Variants in LRMDA observed in about 807,000 individuals in gnomAD.
The protein encoded by LRMDA is leucine-rich melanocyte differentiation-associated protein.
A neutral mutation model predicts 29.8 loss-of-function variants in LRMDA; 18 were observed. The ratio of observed to expected loss-of-function variants is 0.60; its 90% CI spans 0.42 to 0.90. The LOEUF is 0.90. Ranked by LOEUF, LRMDA falls within the 40% of genes least tolerant of loss-of-function variation. The pLI is 0.00. For missense variants in LRMDA, 273 were observed against 273.9 expected (o/e 1.00, Z 0.02); for synonymous variants, 125 against 109.4 (o/e 1.14, Z -0.89).
At chr10:75,584,589 G>C (rs1413189098) in intron 2 of LRMDA, among the ~76,000 whole-genome samples, 1 of 152,182 alleles carries the variant, frequency 6.6e-6, no homozygotes, top group Admixed American at 6.5e-5. Context: ...GAGTTTTGTT[G>C]GGCTAGTGAG....
chr10:75,679,576 G>C (rs765631995), intron 2 of LRMDA, among the ~76,000 whole-genome samples: 8 of 152,102 alleles, frequency 5.3e-5, no homozygotes, highest in Non-Finnish European at 1.2e-4. Flanking sequence ...GTATTTGTGA[G>C]GATTAAACAA....
At chr10:76,551,438 CAA>C (rs1030754295) in intron 6 of LRMDA, among the ~76,000 whole-genome samples, 4 of 152,098 alleles carry the variant, frequency 2.6e-5, no homozygotes, top group African/African-American at 7.2e-5. Context: ...ATTTATTTAA[CAA>C]ATATTTATTG....
At chr10:76,438,989 A>C (rs1842273348) in intron 6 of LRMDA, among the ~76,000 whole-genome samples, 1 of 152,208 alleles carries the variant, frequency 6.6e-6, no homozygotes, top group African/African-American at 2.4e-5. Flanking sequence ...AATTGAGCCT[A>C]AGTGAACTAT....
At chr10:75,616,231 T>TAGCAGCAGCAGCAGCAGC (rs1332339686) in intron 2 of LRMDA, among the ~76,000 whole-genome samples, 2 of 146,742 alleles carry the variant, frequency 1.4e-5, no homozygotes, top group African/African-American at 5.5e-5. Context: ...AGAACAGTAA[T>TAGCAGCAGCAGCAGCAGC]AGTAGCAGTA....
At chr10:75,818,940 C>T (rs956902544) in intron 2 of LRMDA, among the ~76,000 whole-genome samples, 1 of 152,156 alleles carries the variant, frequency 6.6e-6, no homozygotes, top group Admixed American at 6.5e-5. Context: ...CCCAAGACCC[C>T]GTGCCAGGTA....
At chr10:76,067,110 G>C (rs1270028404) in intron 5 of LRMDA, among the ~76,000 whole-genome samples, 1 of 152,238 alleles carries the variant, frequency 6.6e-6, no homozygotes, top group East Asian at 1.9e-4. Flanking sequence ...CAAGGAGACA[G>C]CTGATGGCTG....
At chr10:75,629,595 T>G (rs967865993) in intron 2 of LRMDA, among the ~76,000 whole-genome samples, 1 of 140,036 alleles carries the variant, frequency 7.1e-6, no homozygotes, top group African/African-American at 2.6e-5. Context: ...CTGAGTGTAA[T>G]TAAATGAGCA....
At chr10:75,724,452 CT>C (rs1351195722) in intron 2 of LRMDA, among the ~76,000 whole-genome samples, 1 of 152,146 alleles carries the variant, frequency 6.6e-6, no homozygotes, top group Non-Finnish European at 1.5e-5. Flanking sequence ...GCCATTTACT[CT>C]CTTAGTTTCA....
intron 2 of LRMDA, among the ~76,000 whole-genome samples, chr10:75,823,740 A>T (rs1026759350): frequency 7.3e-5 from 11 of 151,270 alleles, no homozygotes; most frequent in Admixed American, 7.2e-4. Flanking sequence ...ACACAGACAC[A>T]TATATACCTA....
intron 6 of LRMDA, among the ~76,000 whole-genome samples, chr10:76,459,943 A>T (rs1265779014): frequency 6.6e-6 from 1 of 152,180 alleles, no homozygotes; most frequent in Admixed American, 6.5e-5. Context: ...TCACTGGGTG[A>T]TGAGCCCTGA....
chr10:75,891,236 C>T (rs1845485440), intron 2 of LRMDA, among the ~76,000 whole-genome samples: 2 of 152,150 alleles, frequency 1.3e-5, no homozygotes, highest in Admixed American at 6.5e-5. Flanking sequence ...TAGGAAGAAA[C>T]AAGAATGGAT....
Position 76,047,169 on chromosome 10 carries a change from T to C in LRMDA, c.264T>C (p.Thr88=). The change falls in exon 4 of 7, where the codon ACT becomes ACC. Residue 88 remains threonine (T), a synonymous_variant. Transcript: ENST00000611255. ...HTLTLNKNRI[T]DLENLLDHLA... ...AGATTCTTAACCTTTGTCACATCAC[T>C]GATTTGGAGAACCTGCTGGATCACT... The C allele has an allele frequency of 6.2e-7, 1 of 1,614,024 alleles. No homozygotes were observed. The highest frequency in any genetic ancestry group is 8.5e-7 in the Non-Finnish European group (1 of 1,179,958).
At chr10:76,396,181 A>T (rs1589165065) in intron 6 of LRMDA, among the ~76,000 whole-genome samples, 1 of 152,224 alleles carries the variant, frequency 6.6e-6, no homozygotes, top group East Asian at 1.9e-4. Context: ...GTGTCAGATG[A>T]TACAAACTAG....
rs569039562 is a variant in LRMDA, at chr10:76,308,704, C to T, written c.517-15697C>T. Among the ~76,000 whole-genome samples the T allele has an allele frequency of 5.5e-4, 84 of 152,332 alleles. 1 individual carries two copies. The highest frequency in any genetic ancestry group is 2.0e-3 in the African/African-American group (82 of 41,570). On this transcript the variant is annotated intron_variant, in intron 5 of 6. Transcript: ENST00000611255. ...CCATAGCAAGCACCCATATGGCTCACATTTTCTTCTCCTCAAAACCTCTCC... is the reference window on the plus strand; with the variant it reads ...CCATAGCAAGCACCCATATGGCTCATATTTTCTTCTCCTCAAAACCTCTCC...
intron 5 of LRMDA, among the ~76,000 whole-genome samples, chr10:76,128,811 A>G (rs1273995414): frequency 6.6e-6 from 1 of 152,126 alleles, no homozygotes; most frequent in African/African-American, 2.4e-5. Flanking sequence ...CAGGGAGGCA[A>G]TCATTAAAGA....
At chr10:76,232,576 C>T (rs911612654) in intron 5 of LRMDA, among the ~76,000 whole-genome samples, 1 of 152,218 alleles carries the variant, frequency 6.6e-6, no homozygotes, top group African/African-American at 2.4e-5. Context: ...AAGCTGGAGA[C>T]CTCTGGCCAG....
intron 2 of LRMDA, among the ~76,000 whole-genome samples, chr10:75,765,606 C>G (rs1416115764): frequency 6.6e-6 from 1 of 151,694 alleles, no homozygotes; most frequent in African/African-American, 2.4e-5. Flanking sequence ...TTGAGAGGCA[C>G]ACAATTAGCA....
At chr10:75,774,242 A>G (rs4745794) in intron 2 of LRMDA, among the ~76,000 whole-genome samples, 58,961 of 152,044 alleles carry the variant, frequency 0.39, 13,475 homozygotes, top group South Asian at 0.51. Flanking sequence ...TTCAAGCATT[A>G]CATTTTTATT....
At chr10:75,512,940 A>AT (rs1386165323) in intron 2 of LRMDA, among the ~76,000 whole-genome samples, 2 of 152,196 alleles carry the variant, frequency 1.3e-5, no homozygotes, top group African/African-American at 4.8e-5. Flanking sequence ...AGGCCATTAC[A>AT]TAGCCAAGTT....
Sources: allele counts gnomAD v4.1 joint callset (sites outside exome capture counted in the v4.1 genomes callset), GRCh38; gene constraint gnomAD v4.1.1; transcripts MANE v1.5; gene names NCBI Gene and HGNC (gene_info 2026-07-23, HGNC 2026-07-21).